The following ZZEF1 variants were observed in gnomAD, a reference collection of about 807,000 sequenced individuals.
ZZEF1 encodes the protein zinc finger ZZ-type and EF-hand domain-containing protein 1.
In ZZEF1, 157 loss-of-function variants were observed where a neutral mutation model predicts 342.8. The observed-to-expected ratio is 0.46, with a 90% CI of 0.40 to 0.52. ZZEF1 has a LOEUF of 0.52. ZZEF1 is among the 20% of genes least tolerant of loss of function. The pLI, the probability that ZZEF1 is intolerant of heterozygous loss-of-function variation, is 0.00. For synonymous variants in ZZEF1, 1,505 were observed against 1,429.1 expected (o/e 1.05, Z -1.20); for missense variants, 3,480 against 3,725.6 (o/e 0.93, Z 1.72).
chr17:4,100,176 G>T (rs1041841023), intron 9 of ZZEF1, among the ~76,000 whole-genome samples: 3 of 152,166 alleles, frequency 2.0e-5, no homozygotes, highest in African/African-American at 7.2e-5. Context: ...CTTTTACTCC[G>T]ATAAGGGGAA....
chr17:4,112,944 G>C (rs2058337531), intron 4 of ZZEF1, 136 bp from the exon 5 acceptor site: 1 of 730,238 alleles, frequency 1.4e-6, no homozygotes, highest in Non-Finnish European at 2.1e-6. Flanking sequence ...AACTTGAAAT[G>C]CTGGCTATGA....
At chr17:4,134,799 G>A (rs7216298) in intron 1 of ZZEF1, among the ~76,000 whole-genome samples, 23,275 of 152,068 alleles carry the variant, frequency 0.15, 1,965 homozygotes, top group African/African-American at 0.22. Context: ...TGAGAAGTCC[G>A]AGACAGGGAG....
intron 14 of ZZEF1, among the ~76,000 whole-genome samples, chr17:4,087,008 A>G (rs1443983748): frequency 6.6e-6 from 1 of 152,040 alleles, no homozygotes; most frequent in Non-Finnish European, 1.5e-5. Context: ...CAGCCTCCCA[A>G]GTAGCTGAGA....
At chr17:4,141,403 C>T (rs2058845044) in intron 1 of ZZEF1, among the ~76,000 whole-genome samples, 1 of 152,206 alleles carries the variant, frequency 6.6e-6, no homozygotes, top group Non-Finnish European at 1.5e-5. Flanking sequence ...TATGTACACA[C>T]CCTTCGTGGC....
intron 9 of ZZEF1, among the ~76,000 whole-genome samples, chr17:4,097,459 T>C (rs905379779): frequency 5.2e-5 from 6 of 115,694 alleles, no homozygotes; most frequent in African/African-American, 2.1e-4. Context: ...GGAAAGGTTA[T>C]GAAAGGCTTT....
intron 17 of ZZEF1, 104 bp downstream of exon 17, chr17:4,082,333 C>T: frequency 9.4e-7 from 1 of 1,069,268 alleles, no homozygotes; most frequent in South Asian, 1.4e-5. Flanking sequence ...AACTGAGTGG[C>T]AGGAAGTACT....
rs1383124105 is a variant in ZZEF1, at chr17:4,070,740, G to T, written c.4019C>A (p.Thr1340Asn). Residue 1340 changes from threonine to asparagine, a missense_variant, in exon 26 of 55, where the codon ACC becomes AAC. Coordinates refer to ENST00000381638, the MANE Select transcript of ZZEF1 (RefSeq NM_015113.4). ...AGTGCGATACACCAGAGCAGCAAAG[G>T]TGGCGTTCACAGCTTGATCAATAGT... ...GSTIDQAVNA[T>N]FAALVYRTPD... 4 of 1,613,958 alleles carry T rather than the reference G, an allele frequency of 2.5e-6. No individual in the cohort carries two copies. The highest frequency in any genetic ancestry group is 1.7e-5 in the Admixed American group (1 of 59,992).
chr17:4,104,044 G>A (rs1161522102), intron 8 of ZZEF1, among the ~76,000 whole-genome samples: 1 of 152,164 alleles, frequency 6.6e-6, no homozygotes, highest in Non-Finnish European at 1.5e-5. Flanking sequence ...GCAGTCTTTT[G>A]GGAGTGACTT....
rs570159340 is a variant in ZZEF1, at chr17:4,072,784, T to C, written c.3686-28A>G. 38 of 1,560,642 alleles carry C rather than the reference T, an allele frequency of 2.4e-5. 1 individual carries two copies. The South Asian group carries it at 4.4e-4, about 18-fold the overall frequency. On this transcript the variant is annotated intron_variant, in intron 24 of 54. Coordinates refer to ENST00000381638, the MANE Select transcript of ZZEF1 (RefSeq NM_015113.4). The stretch of plus-strand genomic sequence containing the variant: ...AGAAAGAGAAGAAGACATATGACAG[T>C]TCTATTTTTGCCTTAATATATTGAG...
At chr17:4,119,598 C>T (rs988808768) in intron 2 of ZZEF1, among the ~76,000 whole-genome samples, 1 of 152,188 alleles carries the variant, frequency 6.6e-6, no homozygotes, top group Non-Finnish European at 1.5e-5. Context: ...TGAGCATGCA[C>T]CTTTCATTGG....
At chr17:4,026,298 A>AT (rs1436726829) in intron 42 of ZZEF1, among the ~76,000 whole-genome samples, 1 of 152,202 alleles carries the variant, frequency 6.6e-6, no homozygotes, top group Non-Finnish European at 1.5e-5. Flanking sequence ...ATGGTCAAAA[A>AT]TTTTCCAAAT....
At chr17:4,134,614 A>T (rs75042052) in intron 1 of ZZEF1, among the ~76,000 whole-genome samples, 6 of 152,010 alleles carry the variant, frequency 3.9e-5, no homozygotes, top group Non-Finnish European at 7.4e-5. Flanking sequence ...GGATCAACTT[A>T]TATTTTCCAC....
chr17:4,017,294 G>A lies in ZZEF1; in HGVS notation c.8001+77C>T, dbSNP rs576109557. 30 of 1,522,246 alleles carry A rather than the reference G, an allele frequency of 2.0e-5. No homozygotes were observed. The highest frequency in any genetic ancestry group is 1.3e-4 in the South Asian group (10 of 79,368). The allele number at this position is 1,522,246 out of a possible 1,614,324, so 94.3% of individuals were successfully genotyped here. On this transcript the variant is annotated intron_variant, in intron 48 of 54. Transcript: ENST00000381638. This position sits in a 1 kb window ranked among gnomAD's most constrained non-coding sequence, Gnocchi z 5.1. ...AGCCACACAGGTAGCCTCGCTCCAG[G>A]AAGCACTCACTGGAGGAAGCCTGTG...
intron 1 of ZZEF1, 131 bp downstream of exon 1, chr17:4,142,411 C>G: frequency 1.0e-6 from 1 of 959,908 alleles, no homozygotes. Context: ...GAAGCAAACG[C>G]CTGGTGAAAA....
intron 2 of ZZEF1, among the ~76,000 whole-genome samples, chr17:4,117,874 A>G (rs2058423829): frequency 6.6e-6 from 1 of 152,216 alleles, no homozygotes; most frequent in Admixed American, 6.5e-5. Context: ...TACTAAGACA[A>G]TGATAATGAC....
At chr17:4,027,661 A>T (rs1357174970) in intron 42 of ZZEF1, among the ~76,000 whole-genome samples, 1 of 144,484 alleles carries the variant, frequency 6.9e-6, no homozygotes, top group Non-Finnish European at 1.5e-5. Context: ...GTGCAGTGGC[A>T]TGATCATAGC....
In ZZEF1 at chr17:4,055,044, G is replaced by A. The variant is rs148225933; in HGVS notation, c.5296-849C>T. Among the ~76,000 whole-genome samples the A allele has an allele frequency of 1.2e-4, 19 of 152,318 alleles. No individual in the cohort carries two copies. In the East Asian group the frequency reaches 3.1e-3, roughly 25 times the overall value. ...AGATACAGGAAACACTGCAAAAGGA[G>A]TACTGTCCCTGGCACTTACAGGCAA... is the stretch of plus-strand genomic sequence containing the variant. On this transcript the variant is annotated intron_variant, in intron 33 of 54. Transcript: ENST00000381638.
At chr17:4,007,058 G>A (rs955081234) in intron 54 of ZZEF1, 88 bp from the exon 55 acceptor site, 3 of 1,236,698 alleles carry the variant, frequency 2.4e-6, no homozygotes, top group African/African-American at 3.0e-5. Flanking sequence ...GAGCACTGAG[G>A]ATGTGGGGAC....
At chr17:4,118,994 A>G (rs2058441809) in intron 2 of ZZEF1, among the ~76,000 whole-genome samples, 1 of 152,234 alleles carries the variant, frequency 6.6e-6, no homozygotes, top group African/African-American at 2.4e-5. Context: ...AAACAATATT[A>G]TGACGTGAAG....
Sources: gnomAD v4.1 joint callset for allele counts (sites outside exome capture counted in the v4.1 genomes callset) on GRCh38, gnomAD v4.1.1 for gene constraint, Gnocchi (gnomAD v3.1) non-coding constraint, MANE v1.5 for transcripts, NCBI Gene and HGNC (gene_info 2026-07-23, HGNC 2026-07-21) for gene names.